Variants in PFKFB4 observed in about 807,000 individuals in gnomAD.
PFKFB4 encodes 6-phosphofructo-2-kinase/fructose-2,6-bisphosphatase 4.
PFKFB4 carries 42 observed loss-of-function variants against 62.8 expected under a neutral mutation model. The observed-to-expected ratio is 0.67, with a 90% confidence interval of 0.52 to 0.86. The LOEUF (loss-of-function observed/expected upper bound fraction) is 0.86, where lower values mean the gene tolerates loss of function less well. Ranked by LOEUF, PFKFB4 falls within the 40% of genes least tolerant of loss-of-function variation. PFKFB4 has a pLI of 0.00. For missense variants in PFKFB4, 475 were observed against 627.2 expected, an observed-to-expected ratio of 0.76 and a Z score of 2.59; for synonymous variants, 204 against 240.7, an observed-to-expected ratio of 0.85 and a Z score of 1.41.
Position 48,550,120 on chromosome 3 carries a change from C to T in PFKFB4, c.212G>A (p.Arg71Gln), listed in dbSNP as rs776458096. The stretch of plus-strand genomic sequence containing the variant: ...AGACAGCTGGGGCCAAGCCTCACCC[C>T]GAGTGGGCACACCAATCCAGTTCAG... ...RYLNWIGVPT[R>Q]EFNVGQYRRD... Residue 71 changes from arginine (R) to glutamine (Q), a missense_variant and splice_region_variant, in exon 2 of 14, where the codon CGG becomes CAG. By Grantham distance (43) the Arg-to-Gln change is conservative. Transcript: ENST00000232375. 13 of 1,609,200 alleles carry T rather than the reference C, an allele frequency of 8.1e-6. No homozygotes were observed. Among genetic ancestry groups the T allele is most frequent in the Middle Eastern group, 1.6e-4 (1 of 6,072 alleles).
chr3:48,526,061 T>TA (rs950486049), intron 9 of PFKFB4: 171 of 145,746 alleles, frequency 1.2e-3, no homozygotes, highest in Non-Finnish European at 1.2e-3. Context: ...CAAATGCCAT[T>TA]AAAAAAAAAA....
intron 3 of PFKFB4, among the ~76,000 whole-genome samples, chr3:48,544,935 G>T (rs1289271927): frequency 6.6e-6 from 1 of 152,040 alleles, no homozygotes; most frequent in Non-Finnish European, 1.5e-5. Context: ...TGTTAGCCAG[G>T]CTGGTCTCGA....
intron 12 of PFKFB4, 143 bp downstream of exon 12, chr3:48,523,394 A>AT (rs552527681): frequency 4.8e-4 from 387 of 800,204 alleles, no homozygotes; most frequent in Non-Finnish European, 6.6e-4. Context: ...AAAGAAAAAA[A>AT]GCAAATTGGG....
At chr3:48,557,165 C>T, upstream of PFKFB4, 1 of 219,316 alleles carries the variant, frequency 4.6e-6, no homozygotes, top group Non-Finnish European at 8.8e-6. Context: ...GCCCCACCTA[C>T]GGGCTCCGCC....
At chr3:48,540,663 G>A (rs61309626) in intron 4 of PFKFB4, among the ~76,000 whole-genome samples, 229 of 152,232 alleles carry the variant, frequency 1.5e-3, no homozygotes, top group African/African-American at 5.3e-3. Context: ...AGGCTGGAGC[G>A]TAGTGGAGCA....
At chr3:48,540,709 A>C (rs2042773164) in intron 4 of PFKFB4, among the ~76,000 whole-genome samples, 1 of 152,024 alleles carries the variant, frequency 6.6e-6, no homozygotes. Flanking sequence ...TCCTGGGCTT[A>C]AGTTATTCTT....
chr3:48,530,707 TTTC>T (rs1357428459), intron 9 of PFKFB4, among the ~76,000 whole-genome samples: 1 of 152,134 alleles, frequency 6.6e-6, no homozygotes, highest in East Asian at 1.9e-4. Context: ...TTTGTTTTGT[TTTC>T]TTTTCTTTTG....
At chr3:48,551,506 C>T (rs1273813095) in intron 1 of PFKFB4, among the ~76,000 whole-genome samples, 1 of 124,974 alleles carries the variant, frequency 8.0e-6, no homozygotes. Flanking sequence ...TGTGAGCCAT[C>T]ACCTCCAGCC....
chr3:48,522,836 C>A (rs2042139447), intron 12 of PFKFB4, among the ~76,000 whole-genome samples: 1 of 151,754 alleles, frequency 6.6e-6, no homozygotes, highest in African/African-American at 2.4e-5. Flanking sequence ...TCTCGGCTCA[C>A]TGCAAGTTCC....
intron 9 of PFKFB4, among the ~76,000 whole-genome samples, chr3:48,528,773 A>G (rs1408767382): frequency 2.6e-5 from 4 of 152,242 alleles, no homozygotes; most frequent in Non-Finnish European, 5.9e-5. Context: ...ATGGATACAT[A>G]ATGTGTGGTA....
In PFKFB4 at chr3:48,523,529, T is replaced by C. The variant is rs1268523468; in HGVS notation, c.1285+8A>G. On this transcript the variant is annotated splice_region_variant and intron_variant, in intron 12 of 13. Coordinates refer to ENST00000232375, the MANE Select transcript of PFKFB4 (RefSeq NM_004567.4). ...TACCCATGGTCAATGTGCAGGAAGC[T>C]TCCTTACCATATGCCACAGGAGTCA... 6.2e-7 allele frequency: 1 copy of C among 1,613,546 alleles called. No individual in the cohort carries two copies.
intron 8 of PFKFB4, 104 bp from the exon 9 acceptor site, chr3:48,535,762 C>T (rs2042581906): frequency 1.2e-5 from 16 of 1,343,422 alleles, no homozygotes; most frequent in Non-Finnish European, 2.1e-6. Flanking sequence ...TGAACACTCA[C>T]TACAGGTTTG....
intron 4 of PFKFB4, 70 bp downstream of exon 4, chr3:48,543,510 C>G (rs953998822): frequency 6.4e-6 from 9 of 1,406,216 alleles, no homozygotes; most frequent in Non-Finnish European, 8.9e-6. Flanking sequence ...AGATGCCTGA[C>G]GAGCAAAGGC....
intron 12 of PFKFB4, 31 bp downstream of exon 12, chr3:48,523,506 C>CCCAT: frequency 6.3e-7 from 1 of 1,599,570 alleles, no homozygotes; most frequent in Non-Finnish European, 8.6e-7. Flanking sequence ...GTCATGGCTA[C>CCCAT]CCATGGTCAA....
At chr3:48,538,243 T>G (rs1158432951) in intron 7 of PFKFB4, among the ~76,000 whole-genome samples, 2 of 152,216 alleles carry the variant, frequency 1.3e-5, no homozygotes, top group Non-Finnish European at 2.9e-5. Flanking sequence ...TAAGACCCCT[T>G]GCATAGAAAT....
At chr3:48,539,440 C>A (rs938983200) in intron 5 of PFKFB4, 130 bp from the exon 6 acceptor site, 19 of 853,796 alleles carry the variant, frequency 2.2e-5, no homozygotes, top group Admixed American at 8.1e-5. Context: ...GCCCTGAAAC[C>A]CTGCTTCAGA....
intron 7 of PFKFB4, among the ~76,000 whole-genome samples, chr3:48,538,073 C>T (rs1338799178): frequency 6.6e-5 from 10 of 152,142 alleles, no homozygotes; most frequent in Admixed American, 5.9e-4. Context: ...TCAAGTTTTA[C>T]TGGAACACAG....
At position 48,536,498 on chromosome 3, in the gene PFKFB4, C is replaced by T. The variant is rs748244496; in HGVS notation, c.633-35G>A. On this transcript the variant is annotated intron_variant, in intron 7 of 13. Transcript: ENST00000232375. ...GAGAAAGTAGAAAGAGGCCTGTGAG[C>T]GTGGCCAGGGTTCTCACAGAGCACA... 3.8e-5 allele frequency: 59 copies of T among 1,549,478 alleles called. 1 individual carries two copies. Among genetic ancestry groups the T allele is most frequent in the Admixed American group, 1.2e-4 (7 of 59,280 alleles).
In PFKFB4 at chr3:48,535,619, TA is replaced by T; in HGVS notation, c.879del (p.Asn293LysfsTer5). 6.2e-7 allele frequency: 1 copy of T among 1,614,118 alleles called. No individual in the cohort carries two copies. Among genetic ancestry groups the T allele is most frequent in the Non-Finnish European group, 8.5e-7 (1 of 1,179,986 alleles). ...KSLAQFISDQ[N>X]IKDLKVWTSQ... ...CTTGTCCAGACCTTCAGATCCTTGA[TA>T]TTTTGGTCACTGATGAACTGGGCTA... On this transcript the variant is annotated frameshift_variant, in exon 9 of 14. Coordinates refer to ENST00000232375, the MANE Select transcript of PFKFB4 (RefSeq NM_004567.4). LOFTEE classifies it high-confidence loss of function.
Sources: gnomAD v4.1 joint callset for allele counts (sites outside exome capture counted in the v4.1 genomes callset) on GRCh38, gnomAD v4.1.1 for gene constraint, MANE v1.5 for transcripts, NCBI Gene and HGNC (gene_info 2026-07-23, HGNC 2026-07-21) for gene names.